The following DLG5 variants were observed in gnomAD, a reference collection of about 807,000 sequenced individuals.
The protein encoded by DLG5 is discs large MAGUK scaffold protein 5.
In DLG5, 48 loss-of-function variants were observed where a neutral mutation model predicts 189.8. The ratio of observed to expected loss-of-function variants is 0.25; its 90% CI spans 0.20 to 0.32. The LOEUF (loss-of-function observed/expected upper bound fraction) is 0.32, where lower values mean the gene tolerates loss of function less well. DLG5 is among the 10% of genes least tolerant of loss of function. The pLI is 1.00. For synonymous variants in DLG5, 1,016 were observed against 1,054.1 expected (o/e 0.96, Z 0.70); for missense variants, 2,160 against 2,544.7 (o/e 0.85, Z 3.25).
intron 9 of DLG5, among the ~76,000 whole-genome samples, chr10:77,832,566 T>C (rs1842934616): frequency 6.6e-6 from 1 of 152,194 alleles, no homozygotes; most frequent in African/African-American, 2.4e-5. Context: ...CATTGCTCAC[T>C]ATACCTGTCT....
At position 77,792,409 on chromosome 10, in the gene DLG5, C is replaced by T. The variant is rs1840682852; in HGVS notation, c.*31G>A. 6.3e-7 allele frequency: 1 copy of T among 1,599,570 alleles called. No homozygotes were observed. Among genetic ancestry groups the T allele is most frequent in the African/African-American group, 1.3e-5 (1 of 74,774 alleles). ...TGAGTCTGGTGTCCCCTCAGGCGGC[C>T]AGCTGCAGTCATCCACAGCACAGCA... is the stretch of plus-strand genomic sequence containing the variant. On this transcript the variant is annotated 3_prime_UTR_variant, in exon 32 of 32. Transcript: ENST00000372391.
chr10:77,855,248 C>A (rs1844174767), intron 3 of DLG5, among the ~76,000 whole-genome samples: 1 of 152,186 alleles, frequency 6.6e-6, no homozygotes, highest in Non-Finnish European at 1.5e-5. Flanking sequence ...CCCAGACCTG[C>A]AGCACAGTAT....
chr10:77,909,911 C>T (rs960206955), intron 1 of DLG5, among the ~76,000 whole-genome samples: 1 of 152,028 alleles, frequency 6.6e-6, no homozygotes, highest in Non-Finnish European at 1.5e-5. Context: ...AGGCTTTTTT[C>T]CCTGGGACAA....
At chr10:77,804,614 G>A (rs1285494472) in intron 27 of DLG5, among the ~76,000 whole-genome samples, 1 of 152,208 alleles carries the variant, frequency 6.6e-6, no homozygotes. Flanking sequence ...TGGGAGCCAC[G>A]TTCCTAAGGG....
At chr10:77,884,539 A>T (rs1845381053) in intron 1 of DLG5, among the ~76,000 whole-genome samples, 1 of 152,154 alleles carries the variant, frequency 6.6e-6, no homozygotes, top group Non-Finnish European at 1.5e-5. Context: ...GACATGGTTC[A>T]TGGTGGTCGG....
In DLG5 at chr10:77,856,762, G is replaced by A. The variant is rs12243930; in HGVS notation, c.504C>T (p.Ala168=). Residue 168 remains alanine (A), a synonymous_variant, in exon 3 of 32, where the codon GCC becomes GCT. Coordinates refer to ENST00000372391, the MANE Select transcript of DLG5 (RefSeq NM_004747.4). ...CAAAGGCCGTGCCATGCGTAGCAAA[G>A]GCCAGGCGCTTGCGGAGCTCGTTTC... The part of the protein sequence containing the change: ...RERNELRKRL[A]FATHGTAFDK... 6.2e-7 allele frequency: 1 copy of A among 1,613,400 alleles called. No individual in the cohort carries two copies. Among genetic ancestry groups the A allele is most frequent in the Admixed American group, 1.7e-5 (1 of 59,998 alleles).
chr10:77,827,699 C>G (rs1842707580), intron 13 of DLG5, among the ~76,000 whole-genome samples: 2 of 152,152 alleles, frequency 1.3e-5, no homozygotes, highest in Non-Finnish European at 2.9e-5. Context: ...CTGAAAACAA[C>G]TTCTATGTCC....
At chr10:77,937,067 C>T in the DLG5 span, among the ~76,000 whole-genome samples, 24 of 152,266 alleles carry the variant, frequency 1.6e-4, no homozygotes, top group Non-Finnish European at 2.9e-4. Flanking sequence ...AGAGTCACCT[C>T]TTCAGAACAA....
Position 77,805,798 on chromosome 10 carries a change from T to C in DLG5, c.5031A>G (p.Thr1677=), listed in dbSNP as rs1353604579. The part of the protein sequence containing the change: ...MSEVKDDNSA[T]KTLSAAARRS... ...GGCGTGCAGCCGCTGACAGCGTCTT[T>C]GTGGCGCTATTGTCATCTTTGACTT... Residue 1677 remains threonine, a synonymous_variant, in exon 27 of 32, where the codon ACA becomes ACG. Transcript: ENST00000372391. 1 of 1,614,208 alleles carries C rather than the reference T, an allele frequency of 6.2e-7. No homozygotes were observed. The highest frequency in any genetic ancestry group is 1.1e-5 in the South Asian group (1 of 91,078).
intron 2 of DLG5, among the ~76,000 whole-genome samples, chr10:77,863,353 C>T (rs1364066800): frequency 6.6e-6 from 1 of 152,154 alleles, no homozygotes; most frequent in Non-Finnish European, 1.5e-5. Context: ...TCTGCCTTGG[C>T]CTCCCAAAGT....
intron 27 of DLG5, 143 bp downstream of exon 27, chr10:77,805,522 C>T (rs1453702412): frequency 1.2e-5 from 11 of 938,576 alleles, no homozygotes; most frequent in Non-Finnish European, 1.6e-5. Context: ...CAGCACCCCC[C>T]GACCAAGCCG....
intron 5 of DLG5, chr10:77,846,676 G>A (rs922283694): frequency 4.2e-5 from 19 of 455,824 alleles, no homozygotes; most frequent in East Asian, 1.4e-4. Context: ...CAGCCTTGGC[G>A]ACAGAGAAAT....
intron 10 of DLG5, 148 bp downstream of exon 10, chr10:77,830,593 G>A (rs565859238): frequency 1.5e-6 from 2 of 1,346,870 alleles, no homozygotes; most frequent in African/African-American, 1.5e-5. Flanking sequence ...AGCCTGGACA[G>A]CTGCTGGGAA....
At chr10:77,803,001 G>A (rs77087228) in intron 27 of DLG5, among the ~76,000 whole-genome samples, 1 of 152,190 alleles carries the variant, frequency 6.6e-6, no homozygotes, top group Non-Finnish European at 1.5e-5. Flanking sequence ...CAGGGAAGTG[G>A]CCAAAGCAAT....
At position 77,924,255 on chromosome 10, in the gene DLG5, T is replaced by G. The variant is rs957311396; in HGVS notation, c.304+1962A>C. Reference sequence around the variant, plus strand: ...TTTCATGACCCTCTCCAAAGTCACATAACTCTGCATTGTGGTAAAACTGGG... The same window carrying G: ...TTTCATGACCCTCTCCAAAGTCACAGAACTCTGCATTGTGGTAAAACTGGG... On this transcript the variant is annotated intron_variant, in intron 1 of 31. Coordinates refer to ENST00000372391, the MANE Select transcript of DLG5 (RefSeq NM_004747.4). 7.2e-5 allele frequency among the ~76,000 whole-genome samples: 11 copies of G among 152,324 alleles called. No individual in the cohort carries two copies. The East Asian group carries it at 1.7e-3, about 24-fold the overall frequency.
rs937246222 is a variant in DLG5, at chr10:77,792,121, A to G, written c.*319T>C. The G allele has an allele frequency of 1.7e-5, 6 of 357,150 alleles. No individual in the cohort carries two copies. The highest frequency in any genetic ancestry group is 3.1e-5 in the Non-Finnish European group (6 of 196,076). 22.1% of individuals were successfully genotyped at this position (357,150 alleles called of 1,614,324 possible). The stretch of plus-strand genomic sequence containing the variant: ...CACCAAATACTTAGAAAAGGCTTGT[A>G]AACGAGTGATCCGAAAGGTTCTCTT... On this transcript the variant is annotated 3_prime_UTR_variant, in exon 32 of 32. Coordinates refer to ENST00000372391, the MANE Select transcript of DLG5 (RefSeq NM_004747.4).
In DLG5 at chr10:77,843,431, A is replaced by G; in HGVS notation, c.1124+16T>C. On this transcript the variant is annotated intron_variant, in intron 6 of 31. Coordinates refer to ENST00000372391, the MANE Select transcript of DLG5 (RefSeq NM_004747.4). ...AGGACCCATTTGCCCCCGGCCCCCG[A>G]TGGCCCTAGCCCTACCTCCTCAGGG... The G allele has an allele frequency of 3.7e-6, 6 of 1,611,124 alleles. No homozygotes were observed. Among genetic ancestry groups the G allele is most frequent in the South Asian group, 1.1e-5 (1 of 91,038 alleles).
At chr10:77,837,670 A>G (rs1022080031) in intron 7 of DLG5, among the ~76,000 whole-genome samples, 1 of 152,208 alleles carries the variant, frequency 6.6e-6, no homozygotes, top group Non-Finnish European at 1.5e-5. Flanking sequence ...TTCTGATTAC[A>G]CTGGTGAGGA....
chr10:77,871,398 C>T (rs908959011), intron 1 of DLG5, among the ~76,000 whole-genome samples: 6 of 152,128 alleles, frequency 3.9e-5, no homozygotes, highest in Non-Finnish European at 8.8e-5. Flanking sequence ...CCAGTTCAGC[C>T]TTAAAATTCT....
Sources: allele counts gnomAD v4.1 joint callset (sites outside exome capture counted in the v4.1 genomes callset), GRCh38; gene constraint gnomAD v4.1.1; transcripts MANE v1.5; gene names NCBI Gene and HGNC (gene_info 2026-07-23, HGNC 2026-07-21).